Variants in ARHGAP10 observed in about 807,000 individuals in gnomAD.
The protein encoded by ARHGAP10 is Rho GTPase activating protein 10.
ARHGAP10 carries 87 observed loss-of-function variants against 108.6 expected under a neutral mutation model. The ratio of observed to expected loss-of-function variants is 0.80; its 90% CI spans 0.67 to 0.96. ARHGAP10 has a LOEUF of 0.96. Ranked by LOEUF, ARHGAP10 falls within the 40% of genes least tolerant of loss-of-function variation. ARHGAP10 has a pLI of 0.00. For synonymous variants in ARHGAP10, 347 were observed against 341.1 expected, an observed-to-expected ratio of 1.02 and a Z score of -0.19; for missense variants, 939 against 954.5, an observed-to-expected ratio of 0.98 and a Z score of 0.21.
Position 147,864,827 on chromosome 4 carries a change from C to T in ARHGAP10, c.487-19C>T. 1 of 1,606,608 alleles carries T rather than the reference C, an allele frequency of 6.2e-7. No individual in the cohort carries two copies. Among genetic ancestry groups the T allele is most frequent in the Non-Finnish European group, 8.5e-7 (1 of 1,174,462 alleles). On this transcript the variant is annotated intron_variant, in intron 5 of 22. Coordinates refer to ENST00000336498, the MANE Select transcript of ARHGAP10 (RefSeq NM_024605.4). ...TTTCACCATCTCCAGTTTGACTAACCTCTGTGATTTTAACATAGGCAGATA... is the reference window on the plus strand; with the variant it reads ...TTTCACCATCTCCAGTTTGACTAACTTCTGTGATTTTAACATAGGCAGATA...
intron 16 of ARHGAP10, among the ~76,000 whole-genome samples, chr4:147,959,464 T>C (rs1025615805): frequency 6.6e-6 from 1 of 152,128 alleles, no homozygotes; most frequent in Non-Finnish European, 1.5e-5. Context: ...GTGTGCTGCA[T>C]CCATTAACTC....
At chr4:147,959,254 G>A (rs1738900514) in intron 16 of ARHGAP10, among the ~76,000 whole-genome samples, 1 of 151,318 alleles carries the variant, frequency 6.6e-6, no homozygotes, top group African/African-American at 2.4e-5. Context: ...TGTTTTTGAA[G>A]AAGAGGGAAA....
chr4:147,849,950 G>C (rs1733792377), intron 4 of ARHGAP10, among the ~76,000 whole-genome samples: 1 of 152,202 alleles, frequency 6.6e-6, no homozygotes, highest in South Asian at 2.1e-4. Context: ...AGCCAGCTGG[G>C]CTTCTGGGTC....
intron 19 of ARHGAP10, among the ~76,000 whole-genome samples, chr4:148,044,948 G>A (rs759609040): frequency 1.6e-4 from 24 of 152,158 alleles, no homozygotes; most frequent in Non-Finnish European, 2.8e-4. Flanking sequence ...TGTGGAAAAA[G>A]TGGCTTCACT....
intron 10 of ARHGAP10, among the ~76,000 whole-genome samples, chr4:147,884,696 A>G (rs1046828137): frequency 6.6e-6 from 1 of 151,766 alleles, no homozygotes; most frequent in Non-Finnish European, 1.5e-5. Flanking sequence ...TGGGATTGAG[A>G]GTCATGTGCC....
intron 13 of ARHGAP10, among the ~76,000 whole-genome samples, chr4:147,938,919 A>G (rs1221136777): frequency 6.6e-6 from 1 of 152,212 alleles, no homozygotes; most frequent in East Asian, 1.9e-4. Flanking sequence ...AAGTAGAGAG[A>G]TTGGTATAAT....
At chr4:147,744,435 T>C (rs1234127617) in intron 1 of ARHGAP10, among the ~76,000 whole-genome samples, 2 of 152,056 alleles carry the variant, frequency 1.3e-5, no homozygotes, top group Non-Finnish European at 2.9e-5. Flanking sequence ...GGCTTTACTC[T>C]AAGGACAGTA....
At chr4:147,759,296 A>G (rs1303215835) in intron 1 of ARHGAP10, among the ~76,000 whole-genome samples, 1 of 152,222 alleles carries the variant, frequency 6.6e-6, no homozygotes, top group Non-Finnish European at 1.5e-5. Context: ...CAGAGGTGAA[A>G]TAACTTTCCC....
At chr4:148,025,612 A>G (rs1218787332) in intron 19 of ARHGAP10, among the ~76,000 whole-genome samples, 1 of 152,050 alleles carries the variant, frequency 6.6e-6, no homozygotes, top group Non-Finnish European at 1.5e-5. Flanking sequence ...AAGAAAAGTG[A>G]ATACATTTAT....
chr4:147,806,992 T>A (rs1303455456), intron 1 of ARHGAP10, among the ~76,000 whole-genome samples: 4 of 152,226 alleles, frequency 2.6e-5, no homozygotes, highest in African/African-American at 4.8e-5. Context: ...GGTGAAAGGA[T>A]GCTACGCCTA....
chr4:147,964,377 G>A lies in ARHGAP10; in HGVS notation c.1451-647G>A, dbSNP rs965205785. On this transcript the variant is annotated intron_variant, in intron 16 of 22. Transcript: ENST00000336498. ...AGTAGAGGCTTTGCCCGCATTCCCC[G>A]TTCTTCCTCTGCCTCTTGATCGACG... Among the ~76,000 whole-genome samples, 10 of 152,124 alleles carry A rather than the reference G, an allele frequency of 6.6e-5. No homozygotes were observed. The South Asian group carries it at 1.0e-3, about 16-fold the overall frequency.
At chr4:147,954,148 T>C (rs915005243) in intron 15 of ARHGAP10, among the ~76,000 whole-genome samples, 1 of 152,044 alleles carries the variant, frequency 6.6e-6, no homozygotes, top group African/African-American at 2.4e-5. Flanking sequence ...ATGGCCTGTA[T>C]GCACTGGGAA....
At position 147,943,658 on chromosome 4, in the gene ARHGAP10, C is replaced by T. The variant is rs188561836; in HGVS notation, c.1304-2959C>T. ...TGTTAGTTTAGATTTTTAACAAACCCATAAAGTGTCCTTCCTTGGTCAGAA... is the reference window on the plus strand; with the variant it reads ...TGTTAGTTTAGATTTTTAACAAACCTATAAAGTGTCCTTCCTTGGTCAGAA... On this transcript the variant is annotated intron_variant, in intron 14 of 22. Coordinates refer to ENST00000336498, the MANE Select transcript of ARHGAP10 (RefSeq NM_024605.4). 1.8e-3 allele frequency among the ~76,000 whole-genome samples: 277 copies of T among 152,218 alleles called. 1 individual carries two copies. Among genetic ancestry groups the T allele is most frequent in the African/African-American group, 5.9e-3 (247 of 41,544 alleles).
intron 20 of ARHGAP10, among the ~76,000 whole-genome samples, chr4:148,062,921 G>C (rs1299418220): frequency 6.6e-6 from 1 of 152,094 alleles, no homozygotes; most frequent in Non-Finnish European, 1.5e-5. Context: ...GGAGAACCTG[G>C]AGAAGGACAG....
intron 3 of ARHGAP10, among the ~76,000 whole-genome samples, chr4:147,845,733 C>G (rs1231265915): frequency 6.6e-6 from 1 of 152,138 alleles, no homozygotes; most frequent in Non-Finnish European, 1.5e-5. Flanking sequence ...GATGTGGGAG[C>G]TTAAAAAATG....
intron 18 of ARHGAP10, among the ~76,000 whole-genome samples, chr4:148,002,356 A>T (rs1489306317): frequency 2.6e-5 from 4 of 152,076 alleles, no homozygotes; most frequent in Admixed American, 2.6e-4. Flanking sequence ...TTCATCAGGG[A>T]TATTGGTCTA....
At chr4:147,931,449 CT>C (rs1471647620) in intron 13 of ARHGAP10, among the ~76,000 whole-genome samples, 1 of 151,970 alleles carries the variant, frequency 6.6e-6, no homozygotes, top group Non-Finnish European at 1.5e-5. Flanking sequence ...GATATTTTAA[CT>C]TTAATTTTTC....
chr4:147,819,532 T>C (rs1422771937), intron 1 of ARHGAP10, among the ~76,000 whole-genome samples: 2 of 151,698 alleles, frequency 1.3e-5, no homozygotes, highest in Non-Finnish European at 2.9e-5. Flanking sequence ...TTATTTTTAT[T>C]TTATTATTTA....
At chr4:147,970,815 T>C (rs541627203) in intron 18 of ARHGAP10, among the ~76,000 whole-genome samples, 1 of 152,270 alleles carries the variant, frequency 6.6e-6, no homozygotes, top group African/African-American at 2.4e-5. Flanking sequence ...AGACTGAGCA[T>C]GGTGGCTCAT....
Sources: gnomAD v4.1 joint callset for allele counts (sites outside exome capture counted in the v4.1 genomes callset) on GRCh38, gnomAD v4.1.1 for gene constraint, MANE v1.5 for transcripts, NCBI Gene and HGNC (gene_info 2026-07-23, HGNC 2026-07-21) for gene names.